The following ABCG8 variants were observed in gnomAD, a reference collection of about 807,000 sequenced individuals.
ABCG8 encodes the protein ATP-binding cassette sub-family G member 8.
ABCG8 carries 81 observed loss-of-function variants against 71.3 expected under a neutral mutation model. The observed-to-expected ratio is 1.14, with a 90% CI of 0.95 to 1.37. The LOEUF is 1.37. Among genes scored for constraint, ABCG8 ranks in the 40% most tolerant of loss-of-function variants. ABCG8 has a pLI of 0.00. For synonymous variants in ABCG8, 451 were observed against 354.7 expected, an observed-to-expected ratio of 1.27 and a Z score of -3.05; for missense variants, 1,119 against 866.2, an observed-to-expected ratio of 1.29 and a Z score of -3.66.
At chr2:43,854,626 CA>C (rs759609173) in intron 6 of ABCG8, among the ~76,000 whole-genome samples, 234 of 74,722 alleles carry the variant, frequency 3.1e-3, no homozygotes, top group South Asian at 0.016. Context: ...GACTCCATCT[CA>C]AAAAAAAAAA....
chr2:43,860,188 T>C (rs532433233), intron 6 of ABCG8, among the ~76,000 whole-genome samples: 9 of 150,984 alleles, frequency 6.0e-5, no homozygotes, highest in African/African-American at 2.2e-4. Context: ...TCACTATCTG[T>C]CTGGATAGAA....
chr2:43,859,389 C>A (rs1163593493), intron 6 of ABCG8, among the ~76,000 whole-genome samples: 2 of 151,120 alleles, frequency 1.3e-5, no homozygotes, highest in Non-Finnish European at 1.5e-5. Context: ...ATCTGGATAG[C>A]GCTCTTACTA....
In ABCG8 at chr2:43,856,778, A is replaced by G. The variant is rs1399582856; in HGVS notation, c.964+3910A>G. ...TCTGGATAGAATTCTCACTCTAGAT[A>G]AAACTCTCACTATCTATCTGGATAG... On this transcript the variant is annotated intron_variant, in intron 6 of 12. Coordinates refer to ENST00000272286, the MANE Select transcript of ABCG8 (RefSeq NM_022437.3). 2.0e-5 allele frequency among the ~76,000 whole-genome samples: 3 copies of G among 151,848 alleles called. No homozygotes were observed. In the East Asian group the frequency reaches 5.8e-4, roughly 29 times the overall value.
At chr2:43,848,014 C>G (rs1668799841) in intron 3 of ABCG8, 1 of 151,992 alleles carries the variant, frequency 6.6e-6, no homozygotes, top group Admixed American at 6.6e-5. Flanking sequence ...ATCTGCTTGC[C>G]TTGGCCTCTC....
chr2:43,864,384 C>G (rs1331435712), intron 6 of ABCG8, among the ~76,000 whole-genome samples: 1 of 151,580 alleles, frequency 6.6e-6, no homozygotes, highest in African/African-American at 2.4e-5. Context: ...AATTCTCACT[C>G]TCTGGATAGC....
intron 6 of ABCG8, among the ~76,000 whole-genome samples, chr2:43,864,624 C>A (rs1353311772): frequency 6.6e-6 from 1 of 151,780 alleles, no homozygotes; most frequent in Admixed American, 6.6e-5. Flanking sequence ...AGGTAGAATT[C>A]TCACTATGTG....
chr2:43,875,095 A>G (rs766935506), intron 10 of ABCG8, 51 bp from the exon 11 acceptor site: 7 of 1,613,290 alleles, frequency 4.3e-6, no homozygotes, highest in South Asian at 3.3e-5. Context: ...GTTTATAATA[A>G]TGGCAGTGAA....
intron 8 of ABCG8, 36 bp from the exon 9 acceptor site, chr2:43,873,751 C>G (rs773685932): frequency 3.7e-6 from 6 of 1,606,548 alleles, no homozygotes; most frequent in Non-Finnish European, 5.1e-6. Flanking sequence ...CTGGTGTATG[C>G]TGTTGCCTCA....
At position 43,877,639 on chromosome 2, in the gene ABCG8, C is replaced by CTT; in HGVS notation, c.1836_1837dup (p.Tyr613PhefsTer51). Reference sequence around the variant, plus strand: ...ATGAAGATTCAGTTCAGCAGAAGAACTTATAAAATGCCTCTCGGGAACCTC... The same window carrying CTT: ...ATGAAGATTCAGTTCAGCAGAAGAACTTTTATAAAATGCCTCTCGGGAACCTC... On this transcript the variant is annotated frameshift_variant, in exon 12 of 13. Transcript: ENST00000272286. LOFTEE classifies it low-confidence loss of function (END_TRUNC). The CTT allele has an allele frequency of 6.2e-7, 1 of 1,614,110 alleles. No individual in the cohort carries two copies. The highest frequency in any genetic ancestry group is 8.5e-7 in the Non-Finnish European group (1 of 1,180,006).
intron 6 of ABCG8, among the ~76,000 whole-genome samples, chr2:43,857,157 C>T (rs1248519328): frequency 6.6e-6 from 1 of 151,474 alleles, no homozygotes; most frequent in East Asian, 2.0e-4. Flanking sequence ...AATTCTCACT[C>T]TCTGGATAGA....
At position 43,874,413 on chromosome 2, in the gene ABCG8, C is replaced by A. The variant is rs1669887094; in HGVS notation, c.1418C>A (p.Ser473Ter). ...CCTTTCCCTTACTTTTTAGGTTACT[C>A]AGAGAGGGCAATGCTTTACTATGAA... is the stretch of plus-strand genomic sequence containing the variant. ...VILDVISKCY[S>*]ERAMLYYELE... Residue 473 changes from serine (S) to a stop codon, truncating the protein, a stop_gained, in exon 10 of 13, where the codon TCA (serine) becomes TAA (stop). Coordinates refer to ENST00000272286, the MANE Select transcript of ABCG8 (RefSeq NM_022437.3). LOFTEE classifies it high-confidence loss of function. 5 of 1,610,742 alleles carry A rather than the reference C, an allele frequency of 3.1e-6. No individual in the cohort carries two copies. The highest frequency in any genetic ancestry group is 4.2e-6 in the Non-Finnish European group (5 of 1,177,036).
intron 6 of ABCG8, among the ~76,000 whole-genome samples, chr2:43,859,745 C>A (rs1427602567): frequency 9.9e-5 from 14 of 141,858 alleles, no homozygotes; most frequent in Non-Finnish European, 1.4e-4. Context: ...CTCTGGATAG[C>A]ACTCTCACTA....
At chr2:43,877,730 G>A (rs1454521526) in intron 12 of ABCG8, 42 bp downstream of exon 12, 2 of 1,613,926 alleles carry the variant, frequency 1.2e-6, no homozygotes, top group Non-Finnish European at 1.7e-6. Flanking sequence ...TTGGACGTCC[G>A]GCTTTCCATC....
chr2:43,864,431 G>C (rs1432471655), intron 6 of ABCG8, among the ~76,000 whole-genome samples: 1 of 151,016 alleles, frequency 6.6e-6, no homozygotes, highest in Non-Finnish European at 1.5e-5. Context: ...CATCTGAATA[G>C]AACTGTCAGT....
intron 1 of ABCG8, among the ~76,000 whole-genome samples, chr2:43,843,773 G>A (rs1455633828): frequency 1.3e-5 from 2 of 152,098 alleles, no homozygotes; most frequent in Admixed American, 6.6e-5. Flanking sequence ...ACCATTCAAA[G>A]GTATCAGCCG....
At chr2:43,844,713 G>A (rs4148213) in intron 2 of ABCG8, 105 bp downstream of exon 2, 18 of 830,250 alleles carry the variant, frequency 2.2e-5, no homozygotes, top group African/African-American at 1.7e-4. Context: ...CCCTCTGCCC[G>A]CAAGGACAGA....
intron 3 of ABCG8, among the ~76,000 whole-genome samples, chr2:43,849,648 A>G (rs1038649045): frequency 1.3e-5 from 2 of 152,194 alleles, no homozygotes; most frequent in African/African-American, 4.8e-5. Flanking sequence ...AGTTTTGCTC[A>G]GAAAACGTGG....
chr2:43,840,400 C>T lies in ABCG8; in HGVS notation c.63+1284C>T, dbSNP rs116005262. Among the ~76,000 whole-genome samples, 927 of 152,292 alleles carry T rather than the reference C, an allele frequency of 6.1e-3. 8 individuals are homozygous for T. Among genetic ancestry groups the T allele is most frequent in the Non-Finnish European group, 9.0e-3 (614 of 68,036 alleles). On this transcript the variant is annotated intron_variant, in intron 1 of 12. Transcript: ENST00000272286. ...AACACTTCCTGCCTGGGAGGGCTGA[C>T]GATTCAGCCACCACAGCTTGAGAGG... is the stretch of plus-strand genomic sequence containing the variant.
rs1670108961 is a variant in ABCG8 at position 43,880,727 on chromosome 2, A to T, written c.*2814A>T. The T allele has an allele frequency of 6.6e-6, 1 of 152,256 alleles. No individual in the cohort carries two copies. Among genetic ancestry groups the T allele is most frequent in the African/African-American group, 2.4e-5 (1 of 41,454 alleles). 9.4% of individuals were successfully genotyped at this position (152,256 alleles called of 1,614,324 possible). On this transcript the variant is annotated 3_prime_UTR_variant, in exon 13 of 13. Transcript: ENST00000272286. The stretch of plus-strand genomic sequence containing the variant: ...GTACACATGAGTTTACTCTGATAAC[A>T]TCCATTTCCAATCCAGCATCACAGA...
Sources: allele counts gnomAD v4.1 joint callset (sites outside exome capture counted in the v4.1 genomes callset), GRCh38; gene constraint gnomAD v4.1.1; transcripts MANE v1.5; gene names NCBI Gene and HGNC (gene_info 2026-07-23, HGNC 2026-07-21).